IQCM: variants seen among roughly 807,000 people sequenced by gnomAD.
IQCM encodes the protein IQ motif containing M.
In IQCM, 45 loss-of-function variants were observed where a neutral mutation model predicts 57.6. That is an observed-to-expected ratio of 0.78 (90% CI 0.62 to 1.00). The LOEUF is 1.00. Among genes scored for constraint, IQCM ranks in the 50% least tolerant of loss-of-function variants. The probability of loss-of-function intolerance (pLI) is 0.00; values close to 1 mark genes in which losing one functional copy is unlikely to be tolerated. For missense variants in IQCM, 468 were observed against 511.6 expected, an observed-to-expected ratio of 0.91 and a Z score of 0.82; for synonymous variants, 148 against 158.9, an observed-to-expected ratio of 0.93 and a Z score of 0.51.
At chr4:149,742,507 T>C (rs1767551742) in intron 3 of IQCM, 148 bp downstream of exon 3, 1 of 449,746 alleles carries the variant, frequency 2.2e-6, no homozygotes, top group South Asian at 1.2e-4. Context: ...CAAAAGTTGG[T>C]TATTTTTAAA....
At chr4:149,551,394 G>A (rs1749013660) in intron 11 of IQCM, among the ~76,000 whole-genome samples, 1 of 152,020 alleles carries the variant, frequency 6.6e-6, no homozygotes, top group Admixed American at 6.6e-5. Flanking sequence ...GGATATTTTA[G>A]GATGCAAAAA....
intron 7 of IQCM, among the ~76,000 whole-genome samples, chr4:149,667,588 T>C (rs1760850974): frequency 6.6e-6 from 1 of 151,966 alleles, no homozygotes; most frequent in Non-Finnish European, 1.5e-5. Flanking sequence ...ATTTAACAAA[T>C]TGACAGAAGT....
At chr4:149,551,772 A>C (rs1313367621) in intron 11 of IQCM, among the ~76,000 whole-genome samples, 5 of 152,198 alleles carry the variant, frequency 3.3e-5, no homozygotes, top group African/African-American at 1.2e-4. Flanking sequence ...TGGAGAGTTT[A>C]CGGGCAAAAG....
chr4:149,624,433 T>C (rs1756622500), intron 7 of IQCM, among the ~76,000 whole-genome samples: 1 of 152,212 alleles, frequency 6.6e-6, no homozygotes, highest in Non-Finnish European at 1.5e-5. Flanking sequence ...TATTCAAATT[T>C]ATGTAGTTGA....
chr4:149,623,087 T>A (rs1756488836), intron 7 of IQCM, among the ~76,000 whole-genome samples: 1 of 152,184 alleles, frequency 6.6e-6, no homozygotes, highest in Non-Finnish European at 1.5e-5. Context: ...TTAACTACCC[T>A]GATCTGATCA....
chr4:149,796,391 C>T (rs1773119966), intron 2 of IQCM, among the ~76,000 whole-genome samples: 1 of 152,216 alleles, frequency 6.6e-6, no homozygotes, highest in Non-Finnish European at 1.5e-5. Context: ...AGCTCAGCCT[C>T]AGTACAGTAG....
At chr4:149,363,284 G>A (rs988410200) in intron 13 of IQCM, among the ~76,000 whole-genome samples, 2 of 152,154 alleles carry the variant, frequency 1.3e-5, no homozygotes, top group Non-Finnish European at 2.9e-5. Flanking sequence ...ACCTTCATCA[G>A]GCTTCCTGAG....
At chr4:149,814,430 A>G (rs1774864819) in intron 2 of IQCM, among the ~76,000 whole-genome samples, 1 of 152,008 alleles carries the variant, frequency 6.6e-6, no homozygotes, top group Non-Finnish European at 1.5e-5. Context: ...TTCACAGTCC[A>G]TTCTGAAAGA....
At chr4:149,754,622 G>A in intron 2 of IQCM, among the ~76,000 whole-genome samples, 1 of 152,136 alleles carries the variant, frequency 6.6e-6, no homozygotes, top group Non-Finnish European at 1.5e-5. Context: ...TCTTCATTTA[G>A]CTTCCAGGGA....
intron 5 of IQCM, among the ~76,000 whole-genome samples, chr4:149,695,562 G>A (rs1391690731): frequency 1.3e-5 from 2 of 152,080 alleles, no homozygotes; most frequent in African/African-American, 4.8e-5. Flanking sequence ...TGAAGAAACA[G>A]ACAGCAATGA....
chr4:149,625,980 T>C (rs925305365), intron 7 of IQCM, among the ~76,000 whole-genome samples: 2 of 152,156 alleles, frequency 1.3e-5, no homozygotes, highest in Admixed American at 1.3e-4. Context: ...CATACTATGT[T>C]CTGTTTAATA....
intron 13 of IQCM, among the ~76,000 whole-genome samples, chr4:149,358,786 A>G (rs1431405772): frequency 7.9e-6 from 1 of 126,196 alleles, no homozygotes; most frequent in Non-Finnish European, 1.8e-5. Flanking sequence ...GGCTGGGGAC[A>G]GAGAATAAAG....
chr4:149,812,505 C>CACACACAG (rs1554045608), intron 2 of IQCM, among the ~76,000 whole-genome samples: 52 of 114,662 alleles, frequency 4.5e-4, no homozygotes, highest in African/African-American at 2.0e-3. Flanking sequence ...CACACACAGA[C>CACACACAG]ACACACACAC....
intron 2 of IQCM, among the ~76,000 whole-genome samples, chr4:149,785,253 T>G (rs1420960316): frequency 2.6e-5 from 4 of 152,146 alleles, no homozygotes; most frequent in Non-Finnish European, 4.4e-5. Context: ...ACCTTAGAAT[T>G]TTATACTCAT....
chr4:149,443,369 T>C (rs1232389567), intron 12 of IQCM, among the ~76,000 whole-genome samples: 1 of 152,028 alleles, frequency 6.6e-6, no homozygotes, highest in Non-Finnish European at 1.5e-5. Flanking sequence ...AACTTAAGGA[T>C]ATAAAAAGTG....
At chr4:149,556,071 AT>A (rs779831818) in intron 10 of IQCM, among the ~76,000 whole-genome samples, 65 of 152,348 alleles carry the variant, frequency 4.3e-4, no homozygotes, top group Non-Finnish European at 8.1e-4. Flanking sequence ...ACATTTCAGC[AT>A]GTAAATCTTT....
At chr4:149,580,435 A>G (rs1752071862) in intron 9 of IQCM, among the ~76,000 whole-genome samples, 1 of 151,902 alleles carries the variant, frequency 6.6e-6, no homozygotes, top group African/African-American at 2.4e-5. Flanking sequence ...GCCAAGAGCC[A>G]GAATGTACAC....
chr4:149,558,732 G>A (rs1236538308), intron 10 of IQCM, among the ~76,000 whole-genome samples: 3 of 152,152 alleles, frequency 2.0e-5, no homozygotes, highest in South Asian at 4.1e-4. Flanking sequence ...AATATGATGA[G>A]ATTCATTGCC....
intron 8 of IQCM, among the ~76,000 whole-genome samples, chr4:149,609,101 T>C (rs1579684281): frequency 1.3e-5 from 2 of 151,744 alleles, no homozygotes; most frequent in East Asian, 3.9e-4. Context: ...TCATTAGAGA[T>C]TATAATTAGC....
Sources: allele counts gnomAD v4.1 joint callset (sites outside exome capture counted in the v4.1 genomes callset), GRCh38; gene constraint gnomAD v4.1.1; transcripts MANE v1.5; gene names NCBI Gene and HGNC (gene_info 2026-07-23, HGNC 2026-07-21).